The following DOP1B variants were observed in gnomAD, a reference collection of about 807,000 sequenced individuals.
DOP1B encodes the protein DOP1 leucine zipper like protein B.
Under a neutral mutation model 233.5 loss-of-function variants are expected in DOP1B, and 174 were observed. The ratio of observed to expected loss-of-function variants is 0.75; its 90% CI spans 0.66 to 0.85. DOP1B has a LOEUF of 0.85. DOP1B is among the 40% of genes least tolerant of loss of function. The pLI is 0.00. For missense variants in DOP1B, 2,652 were observed against 2,846.6 expected (o/e 0.93, Z 1.56); for synonymous variants, 1,190 against 1,185.6 (o/e 1.00, Z -0.08).
In DOP1B at chr21:36,245,277, G is replaced by A. The variant is rs148776162; in HGVS notation, c.3297G>A (p.Thr1099=). 40 of 1,613,974 alleles carry A rather than the reference G, an allele frequency of 2.5e-5. 1 individual carries two copies. The South Asian group carries it at 3.6e-4, about 15-fold the overall frequency. ...LPYYVELPDR[T]AHGAPDSSEH... ...ACTACGTGGAGCTTCCAGACAGGACGGCCCACGGCGCCCCGGACAGCAGCG... is the reference window on the plus strand; with the variant it reads ...ACTACGTGGAGCTTCCAGACAGGACAGCCCACGGCGCCCCGGACAGCAGCG... Residue 1099 remains threonine (T), a synonymous_variant, in exon 19 of 37, where the codon ACG becomes ACA. Transcript: ENST00000691173. The surrounding 1 kb of genome is among the most constrained non-coding windows in gnomAD (Gnocchi z 5.5).
At chr21:36,163,344 C>CAA (rs762277927) in intron 1 of DOP1B, among the ~76,000 whole-genome samples, 37,029 of 106,528 alleles carry the variant, frequency 0.35, 6,851 homozygotes, top group South Asian at 0.48. Context: ...GACTCTGTCT[C>CAA]AAAAAAAAAA....
At chr21:36,169,446 G>A (rs1056227463) in intron 2 of DOP1B, 17 of 1,061,168 alleles carry the variant, frequency 1.6e-5, no homozygotes, top group Admixed American at 3.4e-5. Context: ...CACAGGCCTC[G>A]GTGGGTCTTG....
chr21:36,207,499 GTTTTT>G (rs1164791099), intron 4 of DOP1B, among the ~76,000 whole-genome samples: 2 of 89,628 alleles, frequency 2.2e-5, no homozygotes, highest in Non-Finnish European at 4.4e-5. Context: ...AGTTTTTTTT[GTTTTT>G]TTTTTTTTTT....
At chr21:36,281,912 A>T (rs2067420932) in intron 32 of DOP1B, among the ~76,000 whole-genome samples, 3 of 152,134 alleles carry the variant, frequency 2.0e-5, no homozygotes, top group African/African-American at 7.2e-5. Flanking sequence ...ATAAAATTTG[A>T]GCATGCATTT....
intron 21 of DOP1B, among the ~76,000 whole-genome samples, chr21:36,250,155 C>T (rs546390379): frequency 7.2e-5 from 11 of 152,116 alleles, no homozygotes; most frequent in South Asian, 4.2e-4. Context: ...GGCCGGGGAG[C>T]GGGACCCCAC....
chr21:36,281,372 A>C, intron 31 of DOP1B, 111 bp from the exon 32 acceptor site: 1 of 1,172,408 alleles, frequency 8.5e-7, no homozygotes, highest in South Asian at 1.8e-5. Flanking sequence ...TACTTAATAA[A>C]GATCATGATT....
intron 4 of DOP1B, among the ~76,000 whole-genome samples, chr21:36,206,179 C>T (rs143628497): frequency 6.6e-6 from 1 of 152,192 alleles, no homozygotes; most frequent in African/African-American, 2.4e-5. Flanking sequence ...GTTGTTTCTA[C>T]TATGATGTCA....
chr21:36,279,143 G>A (rs1454302632), intron 30 of DOP1B, among the ~76,000 whole-genome samples: 2 of 151,866 alleles, frequency 1.3e-5, no homozygotes, highest in African/African-American at 2.4e-5. Flanking sequence ...TGGTCATGGT[G>A]GCTCACACCT....
chr21:36,173,506 T>C (rs1035359850), intron 2 of DOP1B, among the ~76,000 whole-genome samples: 1 of 151,716 alleles, frequency 6.6e-6, no homozygotes, highest in South Asian at 2.1e-4. Flanking sequence ...ACTGCAAGCT[T>C]CGCCTCCTGG....
At chr21:36,216,425 A>AC (rs374413580) in intron 9 of DOP1B, among the ~76,000 whole-genome samples, 35 of 152,182 alleles carry the variant, frequency 2.3e-4, no homozygotes, top group African/African-American at 8.4e-4. Context: ...AGCCTGGCCA[A>AC]CATAGTGAAA....
intron 23 of DOP1B, among the ~76,000 whole-genome samples, chr21:36,255,485 C>A (rs1191295095): frequency 6.6e-6 from 1 of 151,126 alleles, no homozygotes; most frequent in African/African-American, 2.4e-5. Context: ...CTCACTGTCA[C>A]CCAGGCTGCA....
intron 10 of DOP1B, 63 bp downstream of exon 10, chr21:36,219,555 T>TC (rs765405207): frequency 4.0e-5 from 63 of 1,583,286 alleles, no homozygotes; most frequent in African/African-American, 1.2e-4. Flanking sequence ...ATTTTTTTTT[T>TC]CCTCTCTTGC....
chr21:36,216,605 C>T (rs767152480), intron 9 of DOP1B, among the ~76,000 whole-genome samples: 2 of 151,962 alleles, frequency 1.3e-5, no homozygotes, highest in Admixed American at 6.6e-5. Context: ...AGTGAGACTC[C>T]GTCTCAAAAA....
At chr21:36,242,696 T>C (rs2066905900) in intron 18 of DOP1B, among the ~76,000 whole-genome samples, 1 of 152,204 alleles carries the variant, frequency 6.6e-6, no homozygotes, top group Admixed American at 6.6e-5. Context: ...AATGGTCTGC[T>C]ACCTCCGAAT....
At chr21:36,173,949 A>C (rs2065997318) in intron 2 of DOP1B, among the ~76,000 whole-genome samples, 2 of 151,914 alleles carry the variant, frequency 1.3e-5, no homozygotes, top group Non-Finnish European at 2.9e-5. Flanking sequence ...ATCTGATGAC[A>C]CACTACGGTT....
intron 18 of DOP1B, among the ~76,000 whole-genome samples, chr21:36,242,279 TCTCCTGC>T (rs2066901965): frequency 6.6e-6 from 1 of 151,126 alleles, no homozygotes; most frequent in African/African-American, 2.4e-5. Context: ...TTCAAGCAAT[TCTCCTGC>T]CTCAGCCTCC....
chr21:36,265,588 C>T lies in DOP1B; in HGVS notation c.5487+1774C>T, dbSNP rs556268698. Among the ~76,000 whole-genome samples the T allele has an allele frequency of 1.3e-3, 193 of 152,260 alleles. 1 individual carries two copies. The highest frequency in any genetic ancestry group is 2.0e-3 in the Non-Finnish European group (135 of 68,022). On this transcript the variant is annotated intron_variant, in intron 26 of 36. Coordinates refer to ENST00000691173, the MANE Select transcript of DOP1B (RefSeq NM_001320714.2). ...GTGGCCTGTTGCCTGTAGCAGGCCC[C>T]TCTGTCTTCAGCCAGCCTGGACAGG...
intron 17 of DOP1B, 27 bp downstream of exon 17, chr21:36,238,728 C>T (rs1468209401): frequency 1.1e-5 from 17 of 1,607,804 alleles, no homozygotes; most frequent in African/African-American, 5.3e-5. Context: ...TATGATCTAC[C>T]GTTAACTCAC....
intron 9 of DOP1B, among the ~76,000 whole-genome samples, chr21:36,218,120 A>G (rs1013170932): frequency 3.3e-5 from 5 of 152,234 alleles, no homozygotes; most frequent in Admixed American, 2.0e-4. Flanking sequence ...AGTCCAGTCC[A>G]TACTTTTTGT....
Sources: allele counts gnomAD v4.1 joint callset (sites outside exome capture counted in the v4.1 genomes callset), GRCh38; gene constraint gnomAD v4.1.1; non-coding constraint Gnocchi (gnomAD v3.1); transcripts MANE v1.5; gene names NCBI Gene and HGNC (gene_info 2026-07-23, HGNC 2026-07-21).